Variants in RABGEF1 observed in about 807,000 individuals in gnomAD.
RABGEF1 encodes RAB guanine nucleotide exchange factor 1, also known as rab5 GDP/GTP exchange factor.
RABGEF1 carries 26 observed loss-of-function variants against 57.3 expected under a neutral mutation model. The ratio of observed to expected loss-of-function variants is 0.45; its 90% CI spans 0.33 to 0.63. RABGEF1 has a LOEUF of 0.63. RABGEF1 is among the 20% of genes least tolerant of loss of function. The pLI, the probability that RABGEF1 is intolerant of heterozygous loss-of-function variation, is 0.02. For synonymous variants in RABGEF1, 185 were observed against 210.7 expected, an observed-to-expected ratio of 0.88 and a Z score of 1.06; for missense variants, 464 against 607.6, an observed-to-expected ratio of 0.76 and a Z score of 2.48.
chr7:66,717,600 C>T (rs879702066), intron 2 of RABGEF1, among the ~76,000 whole-genome samples: 1 of 151,832 alleles, frequency 6.6e-6, no homozygotes, highest in Non-Finnish European at 1.5e-5. Context: ...CTAGTGTCAC[C>T]CAGGCTGGAG....
At chr7:66,767,505 T>C (rs890795935) in intron 1 of RABGEF1, among the ~76,000 whole-genome samples, 2 of 152,234 alleles carry the variant, frequency 1.3e-5, no homozygotes, top group African/African-American at 2.4e-5. Context: ...TGGAATCATA[T>C]AGTATGTAAA....
chr7:66,742,179 A>C (rs750911568), intron 1 of RABGEF1, among the ~76,000 whole-genome samples: 4 of 152,066 alleles, frequency 2.6e-5, no homozygotes, highest in Non-Finnish European at 5.9e-5. Flanking sequence ...CTGTTCCTTA[A>C]AATTGTTGTA....
the RABGEF1 span, chr7:66,668,910 G>A: frequency 6.6e-6 from 1 of 152,378 alleles, no homozygotes; most frequent in Non-Finnish European, 1.5e-5. Flanking sequence ...AGGGCGCAGA[G>A]TAGGTGAGTA....
At chr7:66,715,871 C>T (rs62466788) in intron 2 of RABGEF1, among the ~76,000 whole-genome samples, 5,503 of 152,124 alleles carry the variant, frequency 0.036, 153 homozygotes, top group East Asian at 0.076. Flanking sequence ...CTTGTGCCTC[C>T]GCCTCCTGAA....
At chr7:66,785,329 G>T (rs1411096366) in intron 4 of RABGEF1, among the ~76,000 whole-genome samples, 3 of 152,122 alleles carry the variant, frequency 2.0e-5, no homozygotes, top group African/African-American at 4.8e-5. Context: ...TCATGGTTAG[G>T]TGGCCAAGTC....
chr7:66,693,250 A>G (rs370855813), intron 1 of RABGEF1, among the ~76,000 whole-genome samples: 42 of 152,084 alleles, frequency 2.8e-4, no homozygotes, highest in East Asian at 7.8e-4. Context: ...ATGGGTGGCA[A>G]TTGGAGACTT....
upstream of RABGEF1, among the ~76,000 whole-genome samples, chr7:66,737,572 T>TA (rs1181953670): frequency 6.6e-6 from 1 of 151,990 alleles, no homozygotes; most frequent in African/African-American, 2.4e-5. Context: ...TTAAAACAAT[T>TA]AAAAAAAAGA....
At chr7:66,661,525 T>G in the RABGEF1 span, among the ~76,000 whole-genome samples, 1 of 147,148 alleles carries the variant, frequency 6.8e-6, no homozygotes, top group Non-Finnish European at 1.5e-5. Flanking sequence ...ACTTTTGGAG[T>G]GCACTGCATT....
the RABGEF1 span, among the ~76,000 whole-genome samples, chr7:66,675,117 C>T: frequency 6.6e-6 from 1 of 152,010 alleles, no homozygotes; most frequent in Admixed American, 6.6e-5. Context: ...ACTTAATTCC[C>T]TAATACATTA....
intron 1 of RABGEF1, among the ~76,000 whole-genome samples, chr7:66,755,381 G>A (rs759220974): frequency 3.3e-5 from 5 of 152,266 alleles, no homozygotes; most frequent in Non-Finnish European, 7.4e-5. Context: ...AAGCTAAGGT[G>A]GAGAGGATCA....
chr7:66,682,001 C>A (rs2117007262), upstream of RABGEF1, among the ~76,000 whole-genome samples: 1 of 152,350 alleles, frequency 6.6e-6, no homozygotes, highest in Non-Finnish European at 1.5e-5. Flanking sequence ...GAGCGGCACC[C>A]TACTCTGTGT....
At chr7:66,765,511 G>A (rs1028375653) in intron 1 of RABGEF1, among the ~76,000 whole-genome samples, 1 of 152,110 alleles carries the variant, frequency 6.6e-6, no homozygotes, top group Non-Finnish European at 1.5e-5. Context: ...GGACCAGGGT[G>A]TATGACTCAG....
At chr7:66,797,531 T>C (rs1426749392) in intron 6 of RABGEF1, 25 bp downstream of exon 6, 3 of 1,601,832 alleles carry the variant, frequency 1.9e-6, no homozygotes, top group South Asian at 1.1e-5. Flanking sequence ...TGTTTTGCTT[T>C]GTAGTTACTA....
intron 1 of RABGEF1, among the ~76,000 whole-genome samples, chr7:66,682,414 C>G (rs1053310565): frequency 6.6e-6 from 1 of 152,220 alleles, no homozygotes; most frequent in Non-Finnish European, 1.5e-5. Flanking sequence ...CCGTCAGCGC[C>G]GCCTGCCCCG....
intron 1 of RABGEF1, among the ~76,000 whole-genome samples, chr7:66,694,266 G>A (rs1791991401): frequency 6.6e-6 from 1 of 152,244 alleles, no homozygotes; most frequent in Non-Finnish European, 1.5e-5. Context: ...CACGGGAATG[G>A]GAAAGATCCT....
At chr7:66,733,108 C>T (rs1797532942) in intron 2 of RABGEF1, among the ~76,000 whole-genome samples, 1 of 152,208 alleles carries the variant, frequency 6.6e-6, no homozygotes, top group Non-Finnish European at 1.5e-5. Flanking sequence ...TCTCTGGTTC[C>T]CTCTCCCTGT....
chr7:66,754,642 G>T (rs1187859026), intron 1 of RABGEF1, among the ~76,000 whole-genome samples: 2 of 152,070 alleles, frequency 1.3e-5, no homozygotes, highest in South Asian at 2.1e-4. Context: ...ATTTACATAT[G>T]TGTCTTATAT....
chr7:66,799,846 A>G (rs1786867880), intron 7 of RABGEF1, among the ~76,000 whole-genome samples: 1 of 152,172 alleles, frequency 6.6e-6, no homozygotes, highest in African/African-American at 2.4e-5. Flanking sequence ...ACGTAGTAAA[A>G]TGATGCCTCT....
At chr7:66,675,183 G>A in the RABGEF1 span, among the ~76,000 whole-genome samples, 1 of 152,080 alleles carries the variant, frequency 6.6e-6, no homozygotes, top group African/African-American at 2.4e-5. Flanking sequence ...GCATGGAGAG[G>A]TTAAGTTTAT....
Sources: gnomAD v4.1 joint callset for allele counts (sites outside exome capture counted in the v4.1 genomes callset) on GRCh38, gnomAD v4.1.1 for gene constraint, MANE v1.5 for transcripts, NCBI Gene and HGNC (gene_info 2026-07-23, HGNC 2026-07-21) for gene names.